The following KCNH8 variants were observed in gnomAD, a reference collection of about 807,000 sequenced individuals.
The protein encoded by KCNH8 is potassium voltage-gated channel subfamily H member 8.
Under a neutral mutation model 103.6 loss-of-function variants are expected in KCNH8, and 70 were observed. The observed-to-expected ratio is 0.68, with a 90% CI of 0.56 to 0.82. The LOEUF (loss-of-function observed/expected upper bound fraction) is 0.82. Among genes scored for constraint, KCNH8 ranks in the 40% least tolerant of loss-of-function variants. KCNH8 has a pLI of 0.00. For synonymous variants in KCNH8, 498 were observed against 489.4 expected, an observed-to-expected ratio of 1.02 and a Z score of -0.23; for missense variants, 1,217 against 1,329.9, an observed-to-expected ratio of 0.92 and a Z score of 1.32.
intron 11 of KCNH8, among the ~76,000 whole-genome samples, chr3:19,482,300 A>AC (rs1182063524): frequency 6.6e-6 from 1 of 152,124 alleles, no homozygotes; most frequent in Non-Finnish European, 1.5e-5. Context: ...TGTGGATTTC[A>AC]TTTCTGCCTT....
At chr3:19,475,177 G>A (rs536710399) in intron 11 of KCNH8, among the ~76,000 whole-genome samples, 18 of 152,292 alleles carry the variant, frequency 1.2e-4, no homozygotes, top group Admixed American at 5.2e-4. Context: ...TTCCAATGGG[G>A]TCACTTGTCT....
At chr3:19,463,320 A>G (rs2067671449) in intron 11 of KCNH8, among the ~76,000 whole-genome samples, 1 of 152,124 alleles carries the variant, frequency 6.6e-6, no homozygotes, top group African/African-American at 2.4e-5. Context: ...AATAAACATA[A>G]TTGAATGCAA....
intron 5 of KCNH8, among the ~76,000 whole-genome samples, chr3:19,358,181 CTT>C (rs1559491038): frequency 2.0e-4 from 30 of 149,284 alleles, no homozygotes; most frequent in African/African-American, 6.9e-4. Context: ...TTCTTCCTTC[CTT>C]CCTTCCTTCC....
chr3:19,445,047 T>C (rs1397091598), intron 8 of KCNH8, among the ~76,000 whole-genome samples: 1 of 151,904 alleles, frequency 6.6e-6, no homozygotes, highest in African/African-American at 2.4e-5. Flanking sequence ...ATAAAAGCAT[T>C]TTTGTAAGAA....
At position 19,502,866 on chromosome 3, in the gene KCNH8, G is replaced by T. The variant is rs540660351; in HGVS notation, c.2041-7497G>T. On this transcript the variant is annotated intron_variant, in intron 11 of 15. Coordinates refer to ENST00000328405, the MANE Select transcript of KCNH8 (RefSeq NM_144633.3). The stretch of plus-strand genomic sequence containing the variant: ...CATTACCATTCAGGACATAGGCATG[G>T]GCAAGGACTTCATGTCTAAAACACC... Among the ~76,000 whole-genome samples the T allele has an allele frequency of 1.5e-3, 226 of 151,472 alleles. 1 individual carries two copies. Among genetic ancestry groups the T allele is most frequent in the African/African-American group, 4.7e-3 (193 of 41,232 alleles).
At chr3:19,237,575 T>A (rs923280153) in intron 1 of KCNH8, among the ~76,000 whole-genome samples, 3 of 152,190 alleles carry the variant, frequency 2.0e-5, no homozygotes, top group African/African-American at 7.2e-5. Flanking sequence ...AGTTCAGTGA[T>A]TTACAGTAAT....
At chr3:19,326,456 C>T (rs2065426614) in intron 3 of KCNH8, among the ~76,000 whole-genome samples, 1 of 150,734 alleles carries the variant, frequency 6.6e-6, no homozygotes, top group African/African-American at 2.4e-5. Context: ...CAAGGCTCTG[C>T]AAAATCATGA....
intron 1 of KCNH8, among the ~76,000 whole-genome samples, chr3:19,207,918 T>C (rs2063732717): frequency 6.6e-6 from 1 of 152,048 alleles, no homozygotes; most frequent in African/African-American, 2.4e-5. Flanking sequence ...AAAAATGTTT[T>C]CTTGTGTGAA....
At chr3:19,516,842 T>A (rs2068883241) in intron 14 of KCNH8, among the ~76,000 whole-genome samples, 1 of 152,060 alleles carries the variant, frequency 6.6e-6, no homozygotes, top group South Asian at 2.1e-4. Context: ...GACCTCACAC[T>A]GTTTTCCATG....
chr3:19,476,999 T>C (rs963040108), intron 11 of KCNH8, among the ~76,000 whole-genome samples: 4 of 152,162 alleles, frequency 2.6e-5, no homozygotes, highest in Non-Finnish European at 5.9e-5. Context: ...AAGTAAAGCA[T>C]ATGAAGGGAC....
chr3:19,283,502 T>G (rs1007352677), intron 3 of KCNH8, among the ~76,000 whole-genome samples: 7 of 152,236 alleles, frequency 4.6e-5, no homozygotes, highest in African/African-American at 1.7e-4. Flanking sequence ...ATCTCAACAT[T>G]ATCTCATATA....
At chr3:19,487,352 G>T (rs879661720) in intron 11 of KCNH8, among the ~76,000 whole-genome samples, 35 of 152,190 alleles carry the variant, frequency 2.3e-4, no homozygotes, top group Non-Finnish European at 4.6e-4. Flanking sequence ...AGTCACTGTA[G>T]CTTGGCTGAC....
rs117053826 is a variant in KCNH8, at chr3:19,292,599, T to C, written c.442+11270T>C. ...ACAGTAAAGGCTTATTTTCCTCATA[T>C]TTCAAAGAGCATGGGACTGCGCAGC... On this transcript the variant is annotated intron_variant, in intron 3 of 15. Coordinates refer to ENST00000328405, the MANE Select transcript of KCNH8 (RefSeq NM_144633.3). 7.8e-4 allele frequency among the ~76,000 whole-genome samples: 119 copies of C among 152,314 alleles called. No homozygotes were observed. In the East Asian group the frequency reaches 0.022, roughly 28 times the overall value.
chr3:19,473,214 C>T (rs2067899800), intron 11 of KCNH8, among the ~76,000 whole-genome samples: 1 of 152,186 alleles, frequency 6.6e-6, no homozygotes, highest in South Asian at 2.1e-4. Flanking sequence ...TAGTCTTCTT[C>T]TGATTTATAG....
At chr3:19,305,328 TA>T (rs2065116487) in intron 3 of KCNH8, among the ~76,000 whole-genome samples, 1 of 152,186 alleles carries the variant, frequency 6.6e-6, no homozygotes, top group African/African-American at 2.4e-5. Flanking sequence ...CCCTTTCATG[TA>T]CCTTGTATTA....
At chr3:19,408,222 G>A (rs571534257) in intron 7 of KCNH8, among the ~76,000 whole-genome samples, 5 of 152,114 alleles carry the variant, frequency 3.3e-5, no homozygotes, top group South Asian at 2.1e-4. Context: ...AAAGAAGTAC[G>A]TAGACATAGA....
At chr3:19,335,255 T>A (rs2125312673) in intron 3 of KCNH8, among the ~76,000 whole-genome samples, 1 of 151,890 alleles carries the variant, frequency 6.6e-6, no homozygotes, top group South Asian at 2.1e-4. Context: ...TCATGTGTTT[T>A]ATTTTTATTT....
At chr3:19,258,374 C>A (rs2064373694) in intron 2 of KCNH8, among the ~76,000 whole-genome samples, 1 of 151,918 alleles carries the variant, frequency 6.6e-6, no homozygotes, top group East Asian at 1.9e-4. Flanking sequence ...GGGAAGTTTG[C>A]AAATCTCTGG....
intron 11 of KCNH8, among the ~76,000 whole-genome samples, chr3:19,459,976 G>T: frequency 6.6e-6 from 1 of 150,580 alleles, no homozygotes; most frequent in South Asian, 2.1e-4. Context: ...CTCTCTCTCT[G>T]TCATTTGTTC....
Sources: gnomAD v4.1 joint callset for allele counts (sites outside exome capture counted in the v4.1 genomes callset) on GRCh38, gnomAD v4.1.1 for gene constraint, MANE v1.5 for transcripts, NCBI Gene and HGNC (gene_info 2026-07-23, HGNC 2026-07-21) for gene names.